Variants in SUGCT observed in about 807,000 individuals in gnomAD.
SUGCT encodes succinyl-CoA:glutarate CoA-transferase.
In SUGCT, 41 loss-of-function variants were observed where a neutral mutation model predicts 55.0. The ratio of observed to expected loss-of-function variants is 0.74; its 90% CI spans 0.58 to 0.97. The LOEUF is 0.97. Among genes scored for constraint, SUGCT ranks in the 50% least tolerant of loss-of-function variants. SUGCT has a pLI of 0.00. For missense variants in SUGCT, 568 were observed against 547.8 expected, an observed-to-expected ratio of 1.04 and a Z score of -0.37; for synonymous variants, 187 against 200.4, an observed-to-expected ratio of 0.93 and a Z score of 0.56.
At chr7:40,448,901 C>T (rs994084305) in intron 9 of SUGCT, among the ~76,000 whole-genome samples, 6 of 141,230 alleles carry the variant, frequency 4.2e-5, no homozygotes, top group African/African-American at 1.7e-4. Flanking sequence ...TACATAGACA[C>T]ATATGTGTGT....
At chr7:40,354,380 A>T (rs1361043557) in intron 9 of SUGCT, among the ~76,000 whole-genome samples, 1 of 152,162 alleles carries the variant, frequency 6.6e-6, no homozygotes, top group Non-Finnish European at 1.5e-5. Context: ...CCAAAGGGAC[A>T]AGAAGGAAAT....
chr7:40,307,636 T>C (rs1794909184), intron 8 of SUGCT, among the ~76,000 whole-genome samples: 2 of 152,246 alleles, frequency 1.3e-5, no homozygotes, highest in Admixed American at 1.3e-4. Flanking sequence ...AGATAATTCA[T>C]GTAAAATGCT....
intron 8 of SUGCT, among the ~76,000 whole-genome samples, chr7:40,296,418 T>C (rs1202542545): frequency 6.6e-6 from 1 of 152,232 alleles, no homozygotes; most frequent in Non-Finnish European, 1.5e-5. Flanking sequence ...TACCCATGTT[T>C]CTGGAGAAGG....
chr7:40,503,924 T>C (rs1156504400), intron 12 of SUGCT, among the ~76,000 whole-genome samples: 1 of 152,142 alleles, frequency 6.6e-6, no homozygotes, highest in Non-Finnish European at 1.5e-5. Context: ...AACATAAATA[T>C]CTTAAGAGCT....
At chr7:40,294,595 G>A (rs1794000480) in intron 8 of SUGCT, among the ~76,000 whole-genome samples, 1 of 152,174 alleles carries the variant, frequency 6.6e-6, no homozygotes, top group Non-Finnish European at 1.5e-5. Flanking sequence ...CCAGGCTGGA[G>A]TGCAGTGGCA....
the SUGCT span, among the ~76,000 whole-genome samples, chr7:40,937,131 C>T: frequency 6.6e-6 from 1 of 152,110 alleles, no homozygotes; most frequent in African/African-American, 2.4e-5. Context: ...TTCAAGTCAA[C>T]TATTTCTTTG....
At chr7:40,605,191 A>G (rs926395830) in intron 12 of SUGCT, among the ~76,000 whole-genome samples, 5 of 152,244 alleles carry the variant, frequency 3.3e-5, no homozygotes, top group Non-Finnish European at 7.3e-5. Flanking sequence ...ATTTTATGTC[A>G]AAGAAACAAA....
Position 40,590,278 on chromosome 7 carries a change from T to TA in SUGCT, c.1089+93894dup, listed in dbSNP as rs529092030. 5.8e-4 allele frequency among the ~76,000 whole-genome samples: 89 copies of TA among 152,298 alleles called. 1 individual carries two copies. The highest frequency in any genetic ancestry group is 2.0e-3 in the African/African-American group (84 of 41,554). Reference sequence around the variant, plus strand: ...AAAGACGATAATATTAATATTTGGTTAATTAATAACCCTATATTGGCCTTG... The same window carrying TA: ...AAAGACGATAATATTAATATTTGGTTAAATTAATAACCCTATATTGGCCTTG... On this transcript the variant is annotated intron_variant, in intron 12 of 13. Coordinates refer to ENST00000335693, the MANE Select transcript of SUGCT (RefSeq NM_001193313.2).
intron 13 of SUGCT, among the ~76,000 whole-genome samples, chr7:40,840,407 G>A (rs1325718318): frequency 6.7e-6 from 1 of 149,620 alleles, no homozygotes; most frequent in African/African-American, 2.5e-5. Flanking sequence ...AAGACAACAG[G>A]ATAACCTCCA....
chr7:40,664,662 T>G (rs1181933278), intron 12 of SUGCT, among the ~76,000 whole-genome samples: 1 of 152,206 alleles, frequency 6.6e-6, no homozygotes, highest in Non-Finnish European at 1.5e-5. Context: ...GCAATGATGC[T>G]TATAATCTTT....
intron 11 of SUGCT, among the ~76,000 whole-genome samples, chr7:40,469,492 CTGTGTTT>C (rs1450612678): frequency 1.3e-4 from 20 of 152,172 alleles, no homozygotes; most frequent in African/African-American, 4.6e-4. Flanking sequence ...ATTTAAGTGG[CTGTGTTT>C]TGTTACTATA....
At chr7:40,249,907 C>T (rs1584462529) in intron 7 of SUGCT, among the ~76,000 whole-genome samples, 2 of 152,150 alleles carry the variant, frequency 1.3e-5, no homozygotes, top group Non-Finnish European at 2.9e-5. Flanking sequence ...CTGCCTCAAC[C>T]TCCTGAGTAG....
At chr7:40,539,078 CAAA>C (rs34855051) in intron 12 of SUGCT, 3 of 103,516 alleles carry the variant, frequency 2.9e-5, no homozygotes. Flanking sequence ...GACTCCATCT[CAAA>C]AAAAAAAAAA....
At chr7:40,886,941 A>G in the SUGCT span, among the ~76,000 whole-genome samples, 1 of 152,210 alleles carries the variant, frequency 6.6e-6, no homozygotes, top group Admixed American at 6.5e-5. Context: ...ATGTAGCTTG[A>G]GAGAGTAGGA....
At chr7:40,206,819 T>C (rs1254866340) in intron 6 of SUGCT, among the ~76,000 whole-genome samples, 1 of 152,196 alleles carries the variant, frequency 6.6e-6, no homozygotes, top group Non-Finnish European at 1.5e-5. Context: ...TGCAAGTTTT[T>C]TCCTAATATT....
chr7:40,555,042 G>GT (rs1251667862), intron 12 of SUGCT, among the ~76,000 whole-genome samples: 1 of 152,118 alleles, frequency 6.6e-6, no homozygotes, highest in Non-Finnish European at 1.5e-5. Flanking sequence ...CTGCTCAACA[G>GT]TTTTTTCTGT....
intron 6 of SUGCT, among the ~76,000 whole-genome samples, chr7:40,215,267 C>T (rs898959961): frequency 1.3e-5 from 2 of 152,088 alleles, no homozygotes; most frequent in Non-Finnish European, 2.9e-5. Flanking sequence ...CTCGGCCTCC[C>T]AAGTAGCTGG....
the SUGCT span, among the ~76,000 whole-genome samples, chr7:40,995,049 T>C: frequency 6.6e-6 from 1 of 152,174 alleles, no homozygotes; most frequent in Non-Finnish European, 1.5e-5. Context: ...GCGACACAAA[T>C]GTTCTAACAT....
intron 13 of SUGCT, among the ~76,000 whole-genome samples, chr7:40,759,974 T>A (rs1788453083): frequency 1.3e-5 from 2 of 152,242 alleles, no homozygotes; most frequent in African/African-American, 4.8e-5. Context: ...CACCAAAACA[T>A]GTGGACTACA....
Sources: gnomAD v4.1 joint callset for allele counts (sites outside exome capture counted in the v4.1 genomes callset) on GRCh38, gnomAD v4.1.1 for gene constraint, MANE v1.5 for transcripts, NCBI Gene and HGNC (gene_info 2026-07-23, HGNC 2026-07-21) for gene names.